The following BNC2 variants were observed in gnomAD, a reference collection of about 807,000 sequenced individuals.
BNC2 encodes basonuclin zinc finger protein 2, also known as zinc finger protein basonuclin-2.
A neutral mutation model predicts 76.3 loss-of-function variants in BNC2; 20 were observed. The ratio of observed to expected loss-of-function variants is 0.26; its 90% CI spans 0.18 to 0.38. The LOEUF is 0.38. BNC2 is among the 10% of genes least tolerant of loss of function. BNC2 has a pLI of 1.00. For synonymous variants in BNC2, 582 were observed against 514.8 expected (o/e 1.13, Z -1.77); for missense variants, 1,382 against 1,399.8 (o/e 0.99, Z 0.20).
intron 3 of BNC2, among the ~76,000 whole-genome samples, chr9:16,667,349 G>C (rs1270934800): frequency 1.3e-5 from 2 of 152,126 alleles, no homozygotes; most frequent in Non-Finnish European, 2.9e-5. Context: ...CCACAATCAA[G>C]CTCTTGTTAG....
rs1331165543 is a variant in BNC2, at chr9:16,415,866, C to CA, written c.*3122dup. 1.3e-5 allele frequency: 2 copies of CA among 152,154 alleles called. No homozygotes were observed. The highest frequency in any genetic ancestry group is 4.8e-5 in the African/African-American group (2 of 41,434). The allele number at this position is 152,154 out of a possible 1,614,324, so 9.4% of individuals were successfully genotyped here. On this transcript the variant is annotated 3_prime_UTR_variant, in exon 7 of 7. Transcript: ENST00000380672. ...CCGTAACGACTGGGCACTTGAGGCACAAAAGTAGTAGCAAATAGGGGAGAT... is the reference window on the plus strand; with the variant it reads ...CCGTAACGACTGGGCACTTGAGGCACAAAAAGTAGTAGCAAATAGGGGAGAT...
rs1278964782 is a variant in BNC2 at position 16,750,407 on chromosome 9, T to C, written c.4-11922A>G. 2.0e-5 allele frequency among the ~76,000 whole-genome samples: 3 copies of C among 152,220 alleles called. No homozygotes were observed. In the East Asian group the frequency reaches 5.8e-4, roughly 29 times the overall value. On this transcript the variant is annotated intron_variant, in intron 1 of 6. Transcript: ENST00000380672. ...GCATCACACCCAACAGCATATGGCT[T>C]TACCACTCATCTCTAAACTAATGTC...
At chr9:16,809,591 C>G (rs1451531609) in intron 1 of BNC2, among the ~76,000 whole-genome samples, 1 of 152,058 alleles carries the variant, frequency 6.6e-6, no homozygotes, top group Non-Finnish European at 1.5e-5. Context: ...TCAGGAGTCT[C>G]CTGAACCAAG....
At chr9:16,866,655 G>C (rs1420333690) in intron 1 of BNC2, among the ~76,000 whole-genome samples, 2 of 105,624 alleles carry the variant, frequency 1.9e-5, no homozygotes, top group Non-Finnish European at 3.5e-5. Flanking sequence ...TTTTGCTTCT[G>C]TCACTTTTAA....
At chr9:16,553,681 T>C (rs1029673523) in intron 4 of BNC2, among the ~76,000 whole-genome samples, 3 of 152,240 alleles carry the variant, frequency 2.0e-5, no homozygotes, top group East Asian at 3.9e-4. Flanking sequence ...AGTTCAACAA[T>C]TGGGTGCTTT....
intron 1 of BNC2, among the ~76,000 whole-genome samples, chr9:16,757,081 T>TTCTA (rs5896707): frequency 0.81 from 122,781 of 151,620 alleles, 51,179 homozygotes; most frequent in Non-Finnish European, 0.91. Context: ...ATTACTTAAT[T>TTCTA]TCTTTCTTAT....
rs76393335 is a variant in BNC2, at chr9:16,595,410, G to A, written c.331-12325C>T. Among the ~76,000 whole-genome samples the A allele has an allele frequency of 8.8e-3, 1,340 of 152,238 alleles. 64 individuals are homozygous for A. The South Asian group carries it at 0.13, about 15-fold the overall frequency. On this transcript the variant is annotated intron_variant, in intron 3 of 6. Coordinates refer to ENST00000380672, the MANE Select transcript of BNC2 (RefSeq NM_017637.6). ...TATACGTTATTTATGTTAGGTCATA[G>A]ATTCCCCAGGGGTCTGTGCTGAGAC...
chr9:16,518,565 CATAT>C (rs558357472), intron 5 of BNC2, among the ~76,000 whole-genome samples: 1 of 138,926 alleles, frequency 7.2e-6, no homozygotes, highest in Admixed American at 7.0e-5. Context: ...GTGCAAAAGT[CATAT>C]ATATATATAT....
intron 1 of BNC2, among the ~76,000 whole-genome samples, chr9:16,802,644 A>G (rs939969249): frequency 3.3e-5 from 5 of 152,178 alleles, no homozygotes; most frequent in Admixed American, 2.0e-4. Context: ...TTCTTTGTCC[A>G]TCTCTAGCAA....
intron 1 of BNC2, among the ~76,000 whole-genome samples, chr9:16,845,842 C>A (rs750934103): frequency 1.3e-5 from 2 of 151,462 alleles, no homozygotes; most frequent in East Asian, 2.0e-4. Context: ...AGAAACAATG[C>A]AGAATTTATA....
At chr9:16,599,603 G>C (rs1014421027) in intron 3 of BNC2, among the ~76,000 whole-genome samples, 1 of 152,096 alleles carries the variant, frequency 6.6e-6, no homozygotes, top group South Asian at 2.1e-4. Context: ...GGCCAACACG[G>C]TGAAACCCCA....
chr9:16,532,974 T>G (rs2132254018), intron 5 of BNC2, among the ~76,000 whole-genome samples: 1 of 152,350 alleles, frequency 6.6e-6, no homozygotes, highest in African/African-American at 2.4e-5. Context: ...ATTGTAATGC[T>G]ACCAACACAA....
At chr9:16,721,866 A>C (rs1824167152) in intron 3 of BNC2, among the ~76,000 whole-genome samples, 1 of 152,176 alleles carries the variant, frequency 6.6e-6, no homozygotes, top group African/African-American at 2.4e-5. Context: ...TTCAAATTAT[A>C]GACACAAGCT....
At chr9:16,646,995 T>TGA (rs951783433) in intron 3 of BNC2, among the ~76,000 whole-genome samples, 14 of 152,094 alleles carry the variant, frequency 9.2e-5, no homozygotes, top group African/African-American at 3.4e-4. Context: ...TGAGCAGACA[T>TGA]GAGAGAGCAA....
intron 3 of BNC2, among the ~76,000 whole-genome samples, chr9:16,629,475 G>T (rs2133709084): frequency 6.6e-6 from 1 of 152,260 alleles, no homozygotes; most frequent in East Asian, 1.9e-4. Context: ...GTTCAGTGCT[G>T]GGCTGATCAA....
chr9:16,832,952 T>C (rs1818615598), intron 1 of BNC2, among the ~76,000 whole-genome samples: 1 of 151,988 alleles, frequency 6.6e-6, no homozygotes, highest in African/African-American at 2.4e-5. Flanking sequence ...TCTCAATCTC[T>C]TGACCTGGTG....
intron 4 of BNC2, among the ~76,000 whole-genome samples, chr9:16,577,073 G>C (rs1194360080): frequency 4.6e-5 from 7 of 152,088 alleles, no homozygotes; most frequent in Admixed American, 2.0e-4. Flanking sequence ...ATGACCAATA[G>C]CCCTGATTTA....
chr9:16,582,868 C>G (rs1819663145), intron 4 of BNC2, 115 bp downstream of exon 4: 1 of 840,984 alleles, frequency 1.2e-6, no homozygotes, highest in Non-Finnish European at 2.0e-6. Context: ...TCTCTCTTCT[C>G]CAGGCCAGTG....
chr9:16,441,932 A>T (rs1464135192), intron 5 of BNC2, among the ~76,000 whole-genome samples: 2 of 152,232 alleles, frequency 1.3e-5, no homozygotes, highest in African/African-American at 4.8e-5. Flanking sequence ...TTAGGCTAGG[A>T]CGAAGATCCC....
Sources: gnomAD v4.1 joint callset for allele counts (sites outside exome capture counted in the v4.1 genomes callset) on GRCh38, gnomAD v4.1.1 for gene constraint, MANE v1.5 for transcripts, NCBI Gene and HGNC (gene_info 2026-07-23, HGNC 2026-07-21) for gene names.